The following PPP2R2C variants were observed in gnomAD, a reference collection of about 807,000 sequenced individuals.
The protein encoded by PPP2R2C is protein phosphatase 2, regulatory subunit B, gamma.
Under a neutral mutation model 45.3 loss-of-function variants are expected in PPP2R2C, and 10 were observed. The observed-to-expected ratio is 0.22, with a 90% CI of 0.14 to 0.37. The LOEUF is 0.37. Among genes scored for constraint, PPP2R2C ranks in the 10% least tolerant of loss-of-function variants. The pLI is 1.00. For synonymous variants in PPP2R2C, 257 were observed against 245.4 expected, an observed-to-expected ratio of 1.05 and a Z score of -0.44; for missense variants, 308 against 619.7, an observed-to-expected ratio of 0.50 and a Z score of 5.34.
At chr4:6,403,530 T>G (rs980556758) in intron 1 of PPP2R2C, among the ~76,000 whole-genome samples, 1 of 152,164 alleles carries the variant, frequency 6.6e-6, no homozygotes, top group African/African-American at 2.4e-5. Flanking sequence ...TGGCCTCCCC[T>G]GGGAGCACGC....
At chr4:6,504,046 G>A (rs1723142440) in intron 2 of PPP2R2C, among the ~76,000 whole-genome samples, 2 of 152,210 alleles carry the variant, frequency 1.3e-5, no homozygotes, top group Admixed American at 6.5e-5. Flanking sequence ...TCCTCCTCCT[G>A]CACCATTCAG....
In PPP2R2C at chr4:6,324,929, A is replaced by G. The variant is rs890980568; in HGVS notation, c.1053-1336T>C. On this transcript the variant is annotated intron_variant, in intron 8 of 8. Transcript: ENST00000382599. The surrounding 1 kb of genome is among the most constrained non-coding windows in gnomAD (Gnocchi z 4.1). ...AGGATGTTACGAAAAGCGACCATAA[A>G]GAAGTTGTCCTGCTGAAGGCTCTTC... 3.9e-5 allele frequency among the ~76,000 whole-genome samples: 6 copies of G among 152,326 alleles called. No homozygotes were observed. Among genetic ancestry groups the G allele is most frequent in the African/African-American group, 1.4e-4 (6 of 41,568 alleles).
intron 2 of PPP2R2C, among the ~76,000 whole-genome samples, chr4:6,500,699 C>T (rs1033685764): frequency 6.6e-6 from 1 of 152,202 alleles, no homozygotes; most frequent in African/African-American, 2.4e-5. Context: ...GGGGTGCATC[C>T]GGGGCCCTGG....
chr4:6,415,830 C>G (rs933111020), intron 1 of PPP2R2C, among the ~76,000 whole-genome samples: 1 of 152,186 alleles, frequency 6.6e-6, no homozygotes, highest in Non-Finnish European at 1.5e-5. Flanking sequence ...TCACATACCT[C>G]CTACGATGGG....
rs34947327 is a variant in PPP2R2C, at chr4:6,410,567, G to A, written c.71-29473C>T. Among the ~76,000 whole-genome samples the A allele has an allele frequency of 8.3e-3, 1,260 of 152,286 alleles. 10 individuals are homozygous for A. Among genetic ancestry groups the A allele is most frequent in the Middle Eastern group, 0.044 (13 of 294 alleles). ...AGGCACGCCAGGTGGTAGGTACTGT[G>A]TGGGGAAAGGTGCAGCAGAAATGTG... On this transcript the variant is annotated intron_variant, in intron 1 of 8. Coordinates refer to ENST00000382599, the MANE Select transcript of PPP2R2C (RefSeq NM_020416.4).
intron 1 of PPP2R2C, chr4:6,414,123 T>TAC: frequency 9.0e-7 from 1 of 1,110,872 alleles, no homozygotes; most frequent in Non-Finnish European, 1.2e-6. Flanking sequence ...TGTGTGTGTG[T>TAC]ACAGGTAAAT....
rs1365761936 is a variant in PPP2R2C, at chr4:6,330,512, C to T, written c.961-1159G>A. Reference sequence around the variant, plus strand: ...ATGTGGGGGGCCTTGTCCAATCAGTCGAAGGCCCTGATAGAACAAAGACAG... The same window carrying T: ...ATGTGGGGGGCCTTGTCCAATCAGTTGAAGGCCCTGATAGAACAAAGACAG... On this transcript the variant is annotated intron_variant, in intron 7 of 8. Coordinates refer to ENST00000382599, the MANE Select transcript of PPP2R2C (RefSeq NM_020416.4). This position sits in a 1 kb window ranked among gnomAD's most constrained non-coding sequence, Gnocchi z 7.0. Among the ~76,000 whole-genome samples, 2 of 152,076 alleles carry T rather than the reference C, an allele frequency of 1.3e-5. No homozygotes were observed. The highest frequency in any genetic ancestry group is 2.9e-5 in the Non-Finnish European group (2 of 68,014).
chr4:6,485,647 T>C (rs1029926311), intron 2 of PPP2R2C, among the ~76,000 whole-genome samples: 1 of 151,906 alleles, frequency 6.6e-6, no homozygotes, highest in Non-Finnish European at 1.5e-5. Context: ...TTGTTGAATT[T>C]ATTAGCAAAA....
chr4:6,529,889 A>C (rs1325141200), intron 2 of PPP2R2C, among the ~76,000 whole-genome samples: 1 of 152,216 alleles, frequency 6.6e-6, no homozygotes, highest in Non-Finnish European at 1.5e-5. Context: ...GACAATGGCC[A>C]GGAGACTGGG....
chr4:6,420,344 C>A lies in PPP2R2C; in HGVS notation c.71-39250G>T, dbSNP rs141290191. ...GGTGAGAATAAGATCATTCACCGTA[C>A]ATGAATCAAAAGCATCCCCCCACCT... On this transcript the variant is annotated intron_variant, in intron 1 of 8. Transcript: ENST00000382599. Among the ~76,000 whole-genome samples the A allele has an allele frequency of 1.4e-4, 21 of 150,380 alleles. 1 individual carries two copies. Among genetic ancestry groups the A allele is most frequent in the African/African-American group, 5.1e-4 (21 of 41,446 alleles).
At chr4:6,559,123 A>G (rs1725498819) in intron 1 of PPP2R2C, among the ~76,000 whole-genome samples, 1 of 152,354 alleles carries the variant, frequency 6.6e-6, no homozygotes, top group African/African-American at 2.4e-5. Context: ...GGAATCACAG[A>G]ACAGAACCTA....
chr4:6,410,687 C>T (rs1262232542), intron 1 of PPP2R2C, among the ~76,000 whole-genome samples: 3 of 151,866 alleles, frequency 2.0e-5, no homozygotes, highest in Admixed American at 6.6e-5. Flanking sequence ...ACAGGGGAGA[C>T]GTGGAGAAGC....
Position 6,460,767 on chromosome 4 carries a change from CAT to C in PPP2R2C, c.70+11391_70+11392del, listed in dbSNP as rs201092893. On this transcript the variant is annotated intron_variant, in intron 1 of 8. Transcript: ENST00000382599. ...TTTTCTGAACTTTTTGCTATGACTACATATGTTTTTTGTAGTAAGACAGCCAA... is the reference window on the plus strand; with the variant it reads ...TTTTCTGAACTTTTTGCTATGACTACATGTTTTTTGTAGTAAGACAGCCAA... Among the ~76,000 whole-genome samples the C allele has an allele frequency of 9.2e-5, 14 of 152,294 alleles. No individual in the cohort carries two copies. The East Asian group carries it at 2.1e-3, about 23-fold the overall frequency.
intron 2 of PPP2R2C, among the ~76,000 whole-genome samples, chr4:6,526,900 C>G (rs1315035057): frequency 6.6e-6 from 1 of 152,192 alleles, no homozygotes; most frequent in South Asian, 2.1e-4. Context: ...ACAGCCATCA[C>G]GGTAGGCTTT....
At chr4:6,474,232 T>G (rs1722055970), upstream of PPP2R2C, among the ~76,000 whole-genome samples, 1 of 120,984 alleles carries the variant, frequency 8.3e-6, no homozygotes, top group Admixed American at 8.7e-5. Context: ...CCCCCCACTC[T>G]CTGTCCACAC....
intron 2 of PPP2R2C, among the ~76,000 whole-genome samples, chr4:6,514,071 C>T (rs181937570): frequency 3.8e-4 from 58 of 152,118 alleles, no homozygotes; most frequent in African/African-American, 1.3e-3. Context: ...TCATGTGCAC[C>T]GAATTCATTT....
At chr4:6,421,690 G>T (rs56295538) in intron 1 of PPP2R2C, among the ~76,000 whole-genome samples, 34,884 of 146,336 alleles carry the variant, frequency 0.24, 4,824 homozygotes, top group Admixed American at 0.41. Context: ...GGCATAGGAC[G>T]GCCGAGGGGG....
Position 6,329,142 on chromosome 4 carries a change from C to G in PPP2R2C, c.1052+120G>C. 1 of 892,348 alleles carries G rather than the reference C, an allele frequency of 1.1e-6. No homozygotes were observed. 55.3% of individuals were successfully genotyped at this position (892,348 alleles called of 1,614,324 possible). A position where few individuals can be genotyped will look rare whatever the true frequency, so the allele number is the denominator to read the frequency against. On this transcript the variant is annotated intron_variant, in intron 8 of 8. Transcript: ENST00000382599. This position sits in a 1 kb window ranked among gnomAD's most constrained non-coding sequence, Gnocchi z 5.8. ...GAAAGCGTGGGCTTCACCCAGACAC[C>G]TGGACCCATTGAGGCTGAGTAGCCC...
chr4:6,358,932 T>G (rs1189102458), intron 5 of PPP2R2C, among the ~76,000 whole-genome samples: 2 of 152,228 alleles, frequency 1.3e-5, no homozygotes, highest in Non-Finnish European at 2.9e-5. Context: ...TGGAAAACAG[T>G]GTGGTGATTC....
Sources: allele counts gnomAD v4.1 joint callset (sites outside exome capture counted in the v4.1 genomes callset), GRCh38; gene constraint gnomAD v4.1.1; non-coding constraint Gnocchi (gnomAD v3.1); transcripts MANE v1.5; gene names NCBI Gene and HGNC (gene_info 2026-07-23, HGNC 2026-07-21).